The following ANK3 variants were observed in gnomAD, a reference collection of about 807,000 sequenced individuals.
The protein encoded by ANK3 is ankyrin 3, also known as ankyrin-3.
ANK3 carries 57 observed loss-of-function variants against 370.9 expected under a neutral mutation model. The observed-to-expected ratio is 0.15, with a 90% CI of 0.12 to 0.19. ANK3 has a LOEUF of 0.19. ANK3 is among the 10% of genes least tolerant of loss of function. ANK3 has a pLI of 1.00. For missense variants in ANK3, 4,439 were observed against 5,302.1 expected (o/e 0.84, Z 5.06); for synonymous variants, 1,929 against 1,946.3 (o/e 0.99, Z 0.23).
intron 28 of ANK3, among the ~76,000 whole-genome samples, chr10:60,101,274 G>A (rs1404613395): frequency 6.6e-6 from 1 of 152,120 alleles, no homozygotes; most frequent in East Asian, 1.9e-4. Context: ...GACAGGGCAG[G>A]ACTAGAACAT....
At chr10:60,301,315 TACAC>T (rs535351640) in intron 1 of ANK3, among the ~76,000 whole-genome samples, 4 of 144,408 alleles carry the variant, frequency 2.8e-5, no homozygotes, top group Non-Finnish European at 6.1e-5. Context: ...TATACACACA[TACAC>T]ACACGTGTGT....
intron 1 of ANK3, among the ~76,000 whole-genome samples, chr10:60,311,245 A>G (rs974333475): frequency 6.6e-6 from 1 of 152,302 alleles, no homozygotes; most frequent in East Asian, 1.9e-4. Flanking sequence ...TGAATGAAGA[A>G]GCAAGGAATG....
intron 1 of ANK3, among the ~76,000 whole-genome samples, chr10:60,646,656 A>G (rs2078713476): frequency 1.3e-5 from 2 of 152,314 alleles, no homozygotes; most frequent in South Asian, 4.1e-4. Context: ...TATAGGGCAT[A>G]AAAGAAGGAT....
At chr10:60,220,979 T>C (rs906787649) in intron 8 of ANK3, among the ~76,000 whole-genome samples, 1 of 152,208 alleles carries the variant, frequency 6.6e-6, no homozygotes. Flanking sequence ...ACATACTGAA[T>C]GCAAAGTGTT....
intron 7 of ANK3, among the ~76,000 whole-genome samples, chr10:60,241,758 GT>G (rs1477356963): frequency 6.6e-6 from 1 of 151,702 alleles, no homozygotes; most frequent in African/African-American, 2.4e-5. Flanking sequence ...TTTTTCTCTA[GT>G]ATTTACTTCT....
chr10:60,323,955 T>G (rs2049228182), intron 1 of ANK3, among the ~76,000 whole-genome samples: 1 of 152,056 alleles, frequency 6.6e-6, no homozygotes, highest in Non-Finnish European at 1.5e-5. Flanking sequence ...ATGGATGATG[T>G]AGTAAGGGAT....
Position 60,279,550 on chromosome 10 carries a change from G to A in ANK3, c.204C>T (p.Asn68=). Residue 68 remains asparagine (N), a synonymous_variant, in exon 2 of 44, where the codon AAC becomes AAT. Transcript: ENST00000280772. ...LDYIKNGVDI[N]ICNQNGLNAL... is the part of the protein sequence containing the mutation. ...AACTCCAGCTAACCTGATTGCAAAT[G>A]TTGATGTCAACTCCATTTTTTATGT... 6.2e-7 allele frequency: 1 copy of A among 1,609,320 alleles called. No homozygotes were observed. The highest frequency in any genetic ancestry group is 8.5e-7 in the Non-Finnish European group (1 of 1,178,672).
At chr10:60,114,359 A>T in intron 25 of ANK3, 28 bp from the exon 26 acceptor site, 1 of 1,297,976 alleles carries the variant, frequency 7.7e-7, no homozygotes, top group Non-Finnish European at 1.1e-6. Flanking sequence ...AAATTAAATT[A>T]CATCAACAAA....
At chr10:60,195,388 C>CAAAA (rs1320105561) in intron 16 of ANK3, among the ~76,000 whole-genome samples, 2 of 71,778 alleles carry the variant, frequency 2.8e-5, no homozygotes, top group African/African-American at 9.6e-5. Context: ...CGTCTCCCTC[C>CAAAA]AAAAAAAAAA....
chr10:60,275,620 C>A (rs1365582270), intron 4 of ANK3, among the ~76,000 whole-genome samples: 2 of 152,088 alleles, frequency 1.3e-5, no homozygotes, highest in Admixed American at 6.6e-5. Context: ...GAACCATAAC[C>A]AAAGTCCCAT....
At chr10:60,572,087 AATAAT>A (rs1254941113) in intron 2 of ANK3, among the ~76,000 whole-genome samples, 4 of 152,200 alleles carry the variant, frequency 2.6e-5, no homozygotes, top group Non-Finnish European at 5.9e-5. Context: ...TCTATACCAT[AATAAT>A]ATTCATTAGT....
At chr10:60,164,898 G>A (rs529399589) in intron 23 of ANK3, among the ~76,000 whole-genome samples, 1 of 152,176 alleles carries the variant, frequency 6.6e-6, no homozygotes, top group South Asian at 2.1e-4. Context: ...ATTAAAGTAA[G>A]GGCCAAAGAT....
chr10:60,119,179 T>C (rs1192490229), intron 25 of ANK3, among the ~76,000 whole-genome samples: 1 of 152,220 alleles, frequency 6.6e-6, no homozygotes, highest in African/African-American at 2.4e-5. Flanking sequence ...TCAATTTTAA[T>C]AACCTAAATA....
chr10:60,161,598 G>A (rs2095501688), intron 23 of ANK3, among the ~76,000 whole-genome samples: 1 of 152,048 alleles, frequency 6.6e-6, no homozygotes, highest in African/African-American at 2.4e-5. Flanking sequence ...AAACATGGAT[G>A]GAATTGGAGA....
At chr10:60,213,677 C>G (rs1269051835) in intron 8 of ANK3, among the ~76,000 whole-genome samples, 167 bp from the exon 9 acceptor site, 1 of 152,160 alleles carries the variant, frequency 6.6e-6, no homozygotes, top group East Asian at 1.9e-4. Context: ...TTGAAAACTA[C>G]ATTTTTTCAT....
intron 2 of ANK3, among the ~76,000 whole-genome samples, chr10:60,458,909 T>C (rs536089520): frequency 6.6e-6 from 1 of 152,248 alleles, no homozygotes; most frequent in African/African-American, 2.4e-5. Context: ...TTTATGAATA[T>C]GCATCACCTT....
In ANK3 at chr10:60,248,790, G is replaced by A. The variant is rs1228819778; in HGVS notation, c.798+13069C>T. On this transcript the variant is annotated intron_variant, in intron 7 of 43. Coordinates refer to ENST00000280772, the MANE Select transcript of ANK3 (RefSeq NM_020987.5). ...TACCAGAGCTGAGGTTTGACCCTGA[G>A]CTGTCTGATTCCCAAAGCTGTGCTC... Among the ~76,000 whole-genome samples, 3 of 152,226 alleles carry A rather than the reference G, an allele frequency of 2.0e-5. No homozygotes were observed. In the East Asian group the frequency reaches 5.8e-4, roughly 29 times the overall value.
chr10:60,651,277 C>G (rs1156431289), intron 1 of ANK3, among the ~76,000 whole-genome samples: 1 of 152,122 alleles, frequency 6.6e-6, no homozygotes, highest in Non-Finnish European at 1.5e-5. Context: ...AAAACAGATA[C>G]TTTGTGTGTT....
intron 2 of ANK3, among the ~76,000 whole-genome samples, chr10:60,489,344 C>T (rs981416536): frequency 5.9e-5 from 9 of 152,010 alleles, no homozygotes; most frequent in Admixed American, 2.6e-4. Context: ...CATAGATTAG[C>T]TTTTATGCTG....
Sources: allele counts gnomAD v4.1 joint callset (sites outside exome capture counted in the v4.1 genomes callset), GRCh38; gene constraint gnomAD v4.1.1; transcripts MANE v1.5; gene names NCBI Gene and HGNC (gene_info 2026-07-23, HGNC 2026-07-21).